Variants in RARB observed in about 807,000 individuals in gnomAD.
The protein encoded by RARB is retinoic acid receptor beta, also known as HBV-activated protein.
Under a neutral mutation model 51.9 loss-of-function variants are expected in RARB, and 17 were observed. The observed-to-expected ratio is 0.33, with a 90% CI of 0.22 to 0.49. RARB has a LOEUF of 0.49. RARB is among the 20% of genes least tolerant of loss of function. The pLI is 0.99. For synonymous variants in RARB, 215 were observed against 195.4 expected (o/e 1.10, Z -0.84); for missense variants, 369 against 550.8 (o/e 0.67, Z 3.30).
chr3:25,336,002 A>C (rs1705051118), intron 5 of RARB, among the ~76,000 whole-genome samples: 1 of 152,124 alleles, frequency 6.6e-6, no homozygotes, highest in Non-Finnish European at 1.5e-5. Context: ...CAAGTGTTAG[A>C]GTTCTTTTAG....
intron 5 of RARB, among the ~76,000 whole-genome samples, chr3:25,376,981 A>T (rs1706479142): frequency 6.6e-6 from 1 of 152,134 alleles, no homozygotes. Context: ...ATAAATGACA[A>T]ATGCTTTGTT....
intron 2 of RARB, among the ~76,000 whole-genome samples, chr3:25,030,163 C>A (rs6550936): frequency 0.65 from 99,298 of 152,006 alleles, 32,937 homozygotes; most frequent in East Asian, 0.86. Flanking sequence ...TAATAATTAC[C>A]TTCTGCCTGA....
intron 5 of RARB, among the ~76,000 whole-genome samples, chr3:25,390,383 T>C (rs1415035277): frequency 1.3e-5 from 2 of 152,176 alleles, no homozygotes; most frequent in African/African-American, 4.8e-5. Context: ...CACCGGACAC[T>C]GGATCTGCCA....
intron 4 of RARB, among the ~76,000 whole-genome samples, chr3:25,162,690 T>C (rs1270898269): frequency 1.3e-5 from 2 of 152,252 alleles, no homozygotes; most frequent in Non-Finnish European, 2.9e-5. Context: ...TGGCCTTTTA[T>C]GTCTGGGTTC....
intron 3 of RARB, among the ~76,000 whole-genome samples, chr3:25,118,177 G>T (rs970495388): frequency 3.3e-5 from 5 of 152,138 alleles, no homozygotes; most frequent in Non-Finnish European, 5.9e-5. Flanking sequence ...GTCATGAATG[G>T]TGTCCTCATC....
At chr3:25,516,653 G>T (rs1698178992) in intron 3 of RARB, among the ~76,000 whole-genome samples, 2 of 114,268 alleles carry the variant, frequency 1.8e-5, no homozygotes, top group African/African-American at 6.3e-5. Context: ...TTGAGACAGG[G>T]TCACACTCTG....
intron 5 of RARB, among the ~76,000 whole-genome samples, chr3:25,180,905 C>A (rs1700847811): frequency 1.3e-5 from 2 of 152,046 alleles, no homozygotes; most frequent in African/African-American, 2.4e-5. Flanking sequence ...TTTTTTTTAA[C>A]CTTGCCATGA....
intron 5 of RARB, among the ~76,000 whole-genome samples, chr3:25,316,826 T>G (rs1704436347): frequency 6.6e-6 from 1 of 152,192 alleles, no homozygotes; most frequent in Admixed American, 6.5e-5. Flanking sequence ...ATGGAACCGA[T>G]GACTATAAAG....
intron 5 of RARB, among the ~76,000 whole-genome samples, chr3:25,397,167 T>G (rs1385422547): frequency 6.6e-6 from 1 of 152,228 alleles, no homozygotes; most frequent in Non-Finnish European, 1.5e-5. Context: ...CAAGGGTCCC[T>G]GTGAGAGAAA....
intron 5 of RARB, among the ~76,000 whole-genome samples, chr3:25,286,997 T>A (rs915477722): frequency 1.3e-5 from 2 of 152,150 alleles, no homozygotes; most frequent in Admixed American, 6.5e-5. Flanking sequence ...AAGATCAGAG[T>A]AGTAAAGACA....
intron 3 of RARB, among the ~76,000 whole-genome samples, chr3:25,540,393 G>A (rs1028670680): frequency 6.6e-6 from 1 of 152,104 alleles, no homozygotes; most frequent in African/African-American, 2.4e-5. Flanking sequence ...CACACCTCGG[G>A]GTATGGTTAC....
At chr3:25,303,074 T>C (rs1426398719) in intron 5 of RARB, among the ~76,000 whole-genome samples, 1 of 152,224 alleles carries the variant, frequency 6.6e-6, no homozygotes, top group Non-Finnish European at 1.5e-5. Flanking sequence ...AGAGCCTGTA[T>C]TTATTCTCTT....
intron 5 of RARB, among the ~76,000 whole-genome samples, chr3:25,234,282 T>C (rs1031489881): frequency 1.3e-5 from 2 of 152,172 alleles, no homozygotes; most frequent in African/African-American, 2.4e-5. Context: ...TGAGTGACTT[T>C]TGTTAGTCTG....
At chr3:24,844,252 C>T (rs549063657) in intron 1 of RARB, among the ~76,000 whole-genome samples, 3 of 152,202 alleles carry the variant, frequency 2.0e-5, no homozygotes, top group East Asian at 1.9e-4. Flanking sequence ...CTGTCACATG[C>T]GTGCAGCCAG....
intron 3 of RARB, among the ~76,000 whole-genome samples, chr3:25,090,689 C>T (rs1457545639): frequency 6.6e-6 from 1 of 152,016 alleles, no homozygotes; most frequent in Non-Finnish European, 1.5e-5. Context: ...TCAGATCAGA[C>T]AAAAATACTC....
intron 3 of RARB, among the ~76,000 whole-genome samples, chr3:25,120,535 C>CTCTCTT (rs1699767305): frequency 6.7e-6 from 1 of 150,230 alleles, no homozygotes; most frequent in South Asian, 2.1e-4. Flanking sequence ...AAATCTCTCT[C>CTCTCTT]TCTCTCTCTC....
intron 2 of RARB, among the ~76,000 whole-genome samples, chr3:24,891,327 T>C (rs536782032): frequency 6.6e-6 from 1 of 152,276 alleles, no homozygotes; most frequent in Non-Finnish European, 1.5e-5. Flanking sequence ...ACCTAGCATG[T>C]CTACATTGGA....
chr3:24,855,281 A>G (rs1174122775), intron 1 of RARB, among the ~76,000 whole-genome samples: 1 of 152,216 alleles, frequency 6.6e-6, no homozygotes, highest in Non-Finnish European at 1.5e-5. Flanking sequence ...TTGGACATAG[A>G]AAAGGAAAAA....
At chr3:24,984,386 G>T (rs190298620) in intron 2 of RARB, among the ~76,000 whole-genome samples, 1 of 152,172 alleles carries the variant, frequency 6.6e-6, no homozygotes, top group South Asian at 2.1e-4. Flanking sequence ...TGTGTTAAGC[G>T]CTGAGAATAT....
Sources: allele counts gnomAD v4.1 joint callset (sites outside exome capture counted in the v4.1 genomes callset), GRCh38; gene constraint gnomAD v4.1.1; transcripts MANE v1.5; gene names NCBI Gene and HGNC (gene_info 2026-07-23, HGNC 2026-07-21).